NF1: variants seen among roughly 807,000 people sequenced by gnomAD.
The protein encoded by NF1 is neurofibromin 1, also known as neurofibromin.
A neutral mutation model predicts 325.7 loss-of-function variants in NF1; 122 were observed. That is an observed-to-expected ratio of 0.37 (90% CI 0.32 to 0.44). NF1 has a LOEUF of 0.44. Ranked by LOEUF, NF1 falls within the 20% of genes least tolerant of loss-of-function variation. The pLI is 1.00. For synonymous variants in NF1, 1,091 were observed against 1,186.0 expected (o/e 0.92, Z 1.65); for missense variants, 2,140 against 3,415.4 (o/e 0.63, Z 9.31).
intron 36 of NF1, chr17:31,296,560 C>A: frequency 3.7e-6 from 2 of 535,406 alleles, no homozygotes; most frequent in South Asian, 4.3e-5. Context: ...TCCCTACTCT[C>A]TCCTGCATTT....
At chr17:31,106,516 CAATA>C (rs1912879200) in intron 1 of NF1, among the ~76,000 whole-genome samples, 1 of 152,074 alleles carries the variant, frequency 6.6e-6, no homozygotes, top group African/African-American at 2.4e-5. Flanking sequence ...ACTATCTTTC[CAATA>C]AATAGTTTTA....
intron 36 of NF1, among the ~76,000 whole-genome samples, chr17:31,300,590 C>T (rs1373395369): frequency 1.3e-5 from 2 of 151,980 alleles, no homozygotes; most frequent in Non-Finnish European, 2.9e-5. Flanking sequence ...TTTGCTGTTA[C>T]GAATAATGCC....
intron 5 of NF1, among the ~76,000 whole-genome samples, chr17:31,173,327 A>G (rs1366078951): frequency 2.0e-5 from 3 of 152,050 alleles, no homozygotes; most frequent in Non-Finnish European, 4.4e-5. Flanking sequence ...GGAGAATGGC[A>G]TGAACCCGGG....
chr17:31,259,877 G>C (rs1188123690), intron 33 of NF1, among the ~76,000 whole-genome samples: 2 of 152,110 alleles, frequency 1.3e-5, no homozygotes, highest in Non-Finnish European at 2.9e-5. Context: ...AGTTGTTACT[G>C]ACTTTTTTTC....
At chr17:31,222,040 G>T in intron 15 of NF1, 111 bp downstream of exon 15, 10 of 1,284,568 alleles carry the variant, frequency 7.8e-6, no homozygotes, top group South Asian at 4.9e-5. Context: ...CACTTCCAAA[G>T]GTTTTATGGT....
intron 36 of NF1, among the ~76,000 whole-genome samples, chr17:31,280,516 C>CAAA (rs57193583): frequency 2.5e-5 from 2 of 79,526 alleles, no homozygotes; most frequent in East Asian, 3.3e-4. Flanking sequence ...GACTCTGTCT[C>CAAA]AAAAAAAAAA....
At chr17:31,100,657 C>T (rs942646033) in intron 1 of NF1, among the ~76,000 whole-genome samples, 17 of 152,132 alleles carry the variant, frequency 1.1e-4, no homozygotes, top group Admixed American at 5.2e-4. Flanking sequence ...GCAACGTCTG[C>T]CTCCTGGGTT....
chr17:31,358,768 G>C, intron 55 of NF1, 146 bp downstream of exon 55: 1 of 1,206,264 alleles, frequency 8.3e-7, no homozygotes, highest in South Asian at 1.3e-5. Flanking sequence ...TCTCTCAACT[G>C]TATGTCCAAT....
Position 31,327,786 on chromosome 17 carries a change from G to A in NF1, c.5556G>A (p.Gly1852=), listed in dbSNP as rs763146785. 3 of 1,614,034 alleles carry A rather than the reference G, an allele frequency of 1.9e-6. No individual in the cohort carries two copies. The highest frequency in any genetic ancestry group is 2.5e-6 in the Non-Finnish European group (3 of 1,180,024). Residue 1852 remains glycine (G), a synonymous_variant, in exon 38 of 58, where the codon GGG becomes GGA. Coordinates refer to ENST00000358273, the MANE Select transcript of NF1 (RefSeq NM_001042492.3). ...AGATTCGGCCAAAAGATGTCCCTGG[G>A]ACACTGCTCAATATCGCATTACTTA... is the stretch of plus-strand genomic sequence containing the variant. ...HTKIRPKDVP[G]TLLNIALLNL... is the part of the protein sequence containing the mutation.
At chr17:31,179,242 C>T (rs955436068) in intron 5 of NF1, among the ~76,000 whole-genome samples, 1 of 152,190 alleles carries the variant, frequency 6.6e-6, no homozygotes, top group African/African-American at 2.4e-5. Context: ...GGAAACTGAA[C>T]AACCTGCTCC....
At chr17:31,138,741 AT>A (rs143773612) in intron 1 of NF1, among the ~76,000 whole-genome samples, 43 of 144,890 alleles carry the variant, frequency 3.0e-4, no homozygotes, top group Admixed American at 3.4e-4. Flanking sequence ...CTACAGGCTA[AT>A]TTTTTTTTTT....
rs946343771 is a variant in NF1 at position 31,376,401 on chromosome 17, A to T, written c.*2246A>T. The T allele has an allele frequency of 1.7e-5, 4 of 232,818 alleles. No individual in the cohort carries two copies. Among genetic ancestry groups the T allele is most frequent in the Non-Finnish European group, 3.4e-5 (4 of 117,834 alleles). The allele number at this position is 232,818 out of a possible 1,614,324, so 14.4% of individuals were successfully genotyped here. On this transcript the variant is annotated 3_prime_UTR_variant, in exon 58 of 58. Coordinates refer to ENST00000358273, the MANE Select transcript of NF1 (RefSeq NM_001042492.3). ...TTTCATACCGCCTGAAATGATCAGC[A>T]TTGGCACAAATCAAAATTCAGCCGC...
At chr17:31,214,408 C>G (rs781433528) in intron 12 of NF1, 43 bp from the exon 13 acceptor site, 1 of 1,492,102 alleles carries the variant, frequency 6.7e-7, no homozygotes, top group East Asian at 2.3e-5. Flanking sequence ...TAGCTATTAT[C>G]CTGAGTCTTA....
intron 29 of NF1, among the ~76,000 whole-genome samples, chr17:31,245,804 GC>G (rs2067379610): frequency 6.6e-6 from 1 of 152,124 alleles, no homozygotes; most frequent in Non-Finnish European, 1.5e-5. Flanking sequence ...CATTATATAG[GC>G]ATGATTGATT....
chr17:31,116,721 G>A (rs1416451533), intron 1 of NF1, among the ~76,000 whole-genome samples: 3 of 151,880 alleles, frequency 2.0e-5, no homozygotes, highest in Non-Finnish European at 4.4e-5. Flanking sequence ...AGGCTGGAGT[G>A]CAGTGGCGCC....
Position 31,252,948 on chromosome 17 carries a change from A to G in NF1, c.4121A>G (p.His1374Arg). 3 of 1,613,556 alleles carry G rather than the reference A, an allele frequency of 1.9e-6. No homozygotes were observed. Among genetic ancestry groups the G allele is most frequent in the Non-Finnish European group, 2.5e-6 (3 of 1,179,760 alleles). The change falls in exon 31 of 58, where the codon CAC becomes CGC. Residue 1374 changes from histidine to arginine, a missense_variant. Transcript: ENST00000358273. ...VCHCLYQATC[H>R]SLLNKATVKE... ...ATCTCTGTTCTGTAGGCAACTTGCC[A>G]CTCCCTACTGAATAAAGCTACAGTA...
chr17:31,254,210 T>A (rs1297669540), intron 31 of NF1: 5 of 140,468 alleles, frequency 3.6e-5, no homozygotes, highest in African/African-American at 1.3e-4. Context: ...TGGTTGAGGC[T>A]GCAGTGAGCT....
Position 31,356,456 on chromosome 17 carries a change from A to G in NF1, c.7616-4A>G, listed in dbSNP as rs761675429. 5 of 1,613,060 alleles carry G rather than the reference A, an allele frequency of 3.1e-6. No individual in the cohort carries two copies. Among genetic ancestry groups the G allele is most frequent in the East Asian group, 4.5e-5 (2 of 44,788 alleles). On this transcript the variant is annotated splice_region_variant and splice_polypyrimidine_tract_variant and intron_variant, in intron 51 of 57. Coordinates refer to ENST00000358273, the MANE Select transcript of NF1 (RefSeq NM_001042492.3). ...ACTTGCATATTCTTAACTTTTGTTT[A>G]TAGGAACAAGGAAAAGTTTTGATCA...
At chr17:31,273,030 GA>G (rs1301617608) in intron 36 of NF1, among the ~76,000 whole-genome samples, 1 of 151,926 alleles carries the variant, frequency 6.6e-6, no homozygotes, top group Non-Finnish European at 1.5e-5. Context: ...TTTAAAAAAG[GA>G]AAAAAATAAA....
Sources: gnomAD v4.1 joint callset for allele counts (sites outside exome capture counted in the v4.1 genomes callset) on GRCh38, gnomAD v4.1.1 for gene constraint, MANE v1.5 for transcripts, NCBI Gene and HGNC (gene_info 2026-07-23, HGNC 2026-07-21) for gene names.